GLIS3: variants seen among roughly 807,000 people sequenced by gnomAD.
GLIS3 encodes the protein GLIS family zinc finger 3, also known as zinc finger protein GLIS3.
In GLIS3, 53 loss-of-function variants were observed where a neutral mutation model predicts 78.6. The ratio of observed to expected loss-of-function variants is 0.67; its 90% CI spans 0.54 to 0.85. GLIS3 has a LOEUF of 0.85. Among genes scored for constraint, GLIS3 ranks in the 40% least tolerant of loss-of-function variants. GLIS3 has a pLI of 0.00. For missense variants in GLIS3, 1,703 were observed against 1,231.1 expected (o/e 1.38, Z -5.74); for synonymous variants, 684 against 509.9 (o/e 1.34, Z -4.60).
At chr9:4,470,495 G>C in the GLIS3 span, among the ~76,000 whole-genome samples, 2 of 152,308 alleles carry the variant, frequency 1.3e-5, no homozygotes, top group Admixed American at 6.5e-5. Flanking sequence ...CAGAACCAAA[G>C]ACAAAAGCCA....
intron 2 of GLIS3, among the ~76,000 whole-genome samples, chr9:4,194,400 A>G (rs1818611690): frequency 6.6e-6 from 1 of 152,204 alleles, no homozygotes; most frequent in Non-Finnish European, 1.5e-5. Context: ...AAAAAATAAA[A>G]AAATTAGAAT....
At chr9:4,129,576 G>C (rs1832816209) in intron 2 of GLIS3, among the ~76,000 whole-genome samples, 1 of 152,164 alleles carries the variant, frequency 6.6e-6, no homozygotes, top group Admixed American at 6.5e-5. Context: ...CTCCAGCCAT[G>C]TAACACATGC....
intron 2 of GLIS3, among the ~76,000 whole-genome samples, chr9:4,205,599 G>T (rs984311726): frequency 2.0e-5 from 3 of 152,210 alleles, no homozygotes; most frequent in African/African-American, 4.8e-5. Flanking sequence ...TAGCACGGAG[G>T]AGCTGAAGGA....
intron 2 of GLIS3, among the ~76,000 whole-genome samples, chr9:4,223,269 C>G (rs2131338678): frequency 6.6e-6 from 1 of 152,300 alleles, no homozygotes; most frequent in East Asian, 1.9e-4. Context: ...AGACTCAGGA[C>G]TTACTACCAC....
intron 4 of GLIS3, among the ~76,000 whole-genome samples, chr9:4,020,800 C>G (rs1350808313): frequency 6.6e-6 from 1 of 152,214 alleles, no homozygotes; most frequent in Non-Finnish European, 1.5e-5. Context: ...CAGCAGCACA[C>G]ATGGAGGACT....
chr9:4,223,295 T>A (rs1821491427), intron 2 of GLIS3, among the ~76,000 whole-genome samples: 2 of 152,210 alleles, frequency 1.3e-5, no homozygotes, highest in South Asian at 4.1e-4. Context: ...CTGTGTCACT[T>A]TGGACAAGTT....
chr9:4,371,055 C>A, the GLIS3 span, among the ~76,000 whole-genome samples: 2 of 152,110 alleles, frequency 1.3e-5, no homozygotes, highest in African/African-American at 4.8e-5. Flanking sequence ...TTGGCTTTTT[C>A]ATTTTATTCA....
intron 4 of GLIS3, among the ~76,000 whole-genome samples, chr9:4,038,777 C>T (rs1167364642): frequency 6.6e-6 from 1 of 152,120 alleles, no homozygotes; most frequent in Non-Finnish European, 1.5e-5. Flanking sequence ...CTTCCTTAAT[C>T]CTGATTTCTT....
chr9:4,437,416 GTATGTATCTATCTATCTATC>G, the GLIS3 span, among the ~76,000 whole-genome samples: 4 of 107,050 alleles, frequency 3.7e-5, no homozygotes, highest in Non-Finnish European at 8.8e-5. Context: ...ATGTATGTAT[GTATGTATCTATCTATCTATC>G]TATCTATCTA....
At chr9:3,918,983 C>T (rs1487785364) in intron 6 of GLIS3, among the ~76,000 whole-genome samples, 1 of 152,116 alleles carries the variant, frequency 6.6e-6, no homozygotes, top group Non-Finnish European at 1.5e-5. Flanking sequence ...ACTTAGTTGA[C>T]CCTACATATA....
In GLIS3 at chr9:4,027,372, A is replaced by G. The variant is rs76184441; in HGVS notation, c.1711-90183T>C. Among the ~76,000 whole-genome samples the G allele has an allele frequency of 3.3e-5, 5 of 152,350 alleles. No individual in the cohort carries two copies. The East Asian group carries it at 9.6e-4, about 29-fold the overall frequency. Reference sequence around the variant, plus strand: ...AGGAGTTTTGCTAAAATAGTTCACAATTGGACATACTAGGATGCTTTTCTC... The same window carrying G: ...AGGAGTTTTGCTAAAATAGTTCACAGTTGGACATACTAGGATGCTTTTCTC... On this transcript the variant is annotated intron_variant, in intron 4 of 10. Transcript: ENST00000381971.
At chr9:4,211,324 A>G (rs1008396296) in intron 2 of GLIS3, among the ~76,000 whole-genome samples, 2 of 152,258 alleles carry the variant, frequency 1.3e-5, no homozygotes, top group African/African-American at 2.4e-5. Flanking sequence ...ATGGCTGTCA[A>G]CAGTGGGTTT....
At chr9:4,136,240 T>A (rs2130961209) in intron 2 of GLIS3, among the ~76,000 whole-genome samples, 1 of 152,296 alleles carries the variant, frequency 6.6e-6, no homozygotes, top group Non-Finnish European at 1.5e-5. Context: ...GTCGCTAGAC[T>A]GTACAGTATT....
intron 2 of GLIS3, among the ~76,000 whole-genome samples, chr9:4,329,261 G>C (rs1230355219): frequency 6.6e-6 from 1 of 152,070 alleles, no homozygotes; most frequent in Non-Finnish European, 1.5e-5. Context: ...ACCAGCTAGG[G>C]GAAACCTCGC....
chr9:4,094,081 C>T (rs1396080912), intron 4 of GLIS3, among the ~76,000 whole-genome samples: 1 of 152,146 alleles, frequency 6.6e-6, no homozygotes, highest in East Asian at 1.9e-4. Context: ...GGATGCTTCC[C>T]AATCAATGGC....
At chr9:4,190,361 A>C (rs571525089) in intron 2 of GLIS3, among the ~76,000 whole-genome samples, 1 of 152,234 alleles carries the variant, frequency 6.6e-6, no homozygotes, top group East Asian at 1.9e-4. Flanking sequence ...CTGAAAGTCA[A>C]GGCTCGAGAA....
At chr9:4,476,250 C>A in the GLIS3 span, among the ~76,000 whole-genome samples, 1 of 152,126 alleles carries the variant, frequency 6.6e-6, no homozygotes, top group African/African-American at 2.4e-5. Flanking sequence ...GAAAATAATT[C>A]TTTACAGTAT....
chr9:4,321,206 G>C (rs543685579), intron 2 of GLIS3, among the ~76,000 whole-genome samples: 3 of 148,084 alleles, frequency 2.0e-5, no homozygotes, highest in African/African-American at 7.7e-5. Context: ...GGATCACAAG[G>C]TCAGGAGATC....
At chr9:4,465,484 G>C in the GLIS3 span, among the ~76,000 whole-genome samples, 2 of 152,202 alleles carry the variant, frequency 1.3e-5, no homozygotes, top group Non-Finnish European at 2.9e-5. Context: ...GGAAGACAGA[G>C]GCTGTAGTGA....
Sources: gnomAD v4.1 joint callset for allele counts (sites outside exome capture counted in the v4.1 genomes callset) on GRCh38, gnomAD v4.1.1 for gene constraint, MANE v1.5 for transcripts, NCBI Gene and HGNC (gene_info 2026-07-23, HGNC 2026-07-21) for gene names.